LDLRAD4: variants seen among roughly 807,000 people sequenced by gnomAD.
LDLRAD4 encodes the protein low-density lipoprotein receptor class A domain-containing protein 4.
In LDLRAD4, 5 loss-of-function variants were observed where a neutral mutation model predicts 17.0. The observed-to-expected ratio is 0.29, with a 90% CI of 0.15 to 0.62. LDLRAD4 has a LOEUF of 0.62. Ranked by LOEUF, LDLRAD4 falls within the 20% of genes least tolerant of loss-of-function variation. The pLI is 0.84. For missense variants in LDLRAD4, 340 were observed against 424.7 expected (o/e 0.80, Z 1.75); for synonymous variants, 168 against 171.8 (o/e 0.98, Z 0.17).
chr18:13,526,826 A>G (rs1427460625), intron 3 of LDLRAD4: 2 of 152,340 alleles, frequency 1.3e-5, no homozygotes, highest in African/African-American at 4.8e-5. Context: ...CACGGTGTGA[A>G]CTAAGGCTTC....
chr18:13,564,001 G>A (rs2148245577), intron 3 of LDLRAD4, among the ~76,000 whole-genome samples: 1 of 152,236 alleles, frequency 6.6e-6, no homozygotes, highest in East Asian at 1.9e-4. Flanking sequence ...AACCTCCTGA[G>A]CTCAAGTGGT....
intron 1 of LDLRAD4, among the ~76,000 whole-genome samples, chr18:13,278,838 G>T (rs1300006835): frequency 1.3e-5 from 2 of 152,098 alleles, no homozygotes; most frequent in Non-Finnish European, 2.9e-5. Context: ...TCAGGAGCTC[G>T]ATAAAACTTT....
chr18:13,294,770 T>C (rs1283632852), intron 1 of LDLRAD4, among the ~76,000 whole-genome samples: 1 of 151,854 alleles, frequency 6.6e-6, no homozygotes, highest in African/African-American at 2.4e-5. Flanking sequence ...ACACTTGATA[T>C]TAGGACAGCC....
At position 13,524,719 on chromosome 18, in the gene LDLRAD4, G is replaced by T. The variant is rs185645618; in HGVS notation, c.181+86335G>T. On this transcript the variant is annotated intron_variant, in intron 3 of 5. Coordinates refer to ENST00000359446, the Ensembl canonical transcript of LDLRAD4. ...CCGAGACAACCAGATCATATGGAAT[G>T]AACTGTGCGTATTTCAGCTCCCTGC... Among the ~76,000 whole-genome samples, 6 of 152,322 alleles carry T rather than the reference G, an allele frequency of 3.9e-5. No individual in the cohort carries two copies. In the East Asian group the frequency reaches 9.6e-4, roughly 24 times the overall value.
chr18:13,349,387 C>A (rs1430093111), intron 1 of LDLRAD4, among the ~76,000 whole-genome samples: 2 of 152,094 alleles, frequency 1.3e-5, no homozygotes, highest in Non-Finnish European at 2.9e-5. Flanking sequence ...TCTTTTAAGT[C>A]CTTTAGAAGA....
chr18:13,287,084 C>A (rs1197903427), intron 1 of LDLRAD4, among the ~76,000 whole-genome samples: 2 of 152,166 alleles, frequency 1.3e-5, no homozygotes, highest in Admixed American at 1.3e-4. Context: ...GGCTAGAAAG[C>A]AGTCAGGCTG....
At chr18:13,445,419 A>C (rs886569860) in intron 3 of LDLRAD4, among the ~76,000 whole-genome samples, 9 of 151,856 alleles carry the variant, frequency 5.9e-5, no homozygotes, top group African/African-American at 1.9e-4. Flanking sequence ...GTGTGCATGC[A>C]TGCGTGGGTG....
At chr18:13,520,790 C>G (rs1461043870) in intron 3 of LDLRAD4, 1 of 152,138 alleles carries the variant, frequency 6.6e-6, no homozygotes, top group African/African-American at 2.4e-5. Context: ...GAGTTAGGGG[C>G]TGCAGTGAGC....
intron 1 of LDLRAD4, among the ~76,000 whole-genome samples, chr18:13,271,958 C>A (rs2146132035): frequency 6.9e-6 from 1 of 145,130 alleles, no homozygotes; most frequent in Admixed American, 7.2e-5. Context: ...TGCAGTGGCA[C>A]AATCTCGGCT....
chr18:13,386,945 T>TGG lies in LDLRAD4; in HGVS notation c.-382-396_-382-395insGG, dbSNP rs2085880890. Among the ~76,000 whole-genome samples the TGG allele has an allele frequency of 3.5e-5, 4 of 114,264 alleles. No individual in the cohort carries two copies. In the East Asian group the frequency reaches 8.5e-4, roughly 24 times the overall value. The allele number at this position is 114,264 out of a possible 152,430, so 75.0% of individuals were successfully genotyped here. On this transcript the variant is annotated intron_variant, in intron 1 of 5. Transcript: ENST00000359446. ...ATAGATAGATAGATAGATAGATAGA[T>TGG]AGATGGATGGATGGATAGATAAGAT...
chr18:13,268,359 T>C (rs918254870), intron 1 of LDLRAD4, among the ~76,000 whole-genome samples: 5 of 152,214 alleles, frequency 3.3e-5, no homozygotes, highest in African/African-American at 1.2e-4. Context: ...TCTGAAAATA[T>C]GGGGCTTCTT....
chr18:13,226,541 G>A (rs1179918041), intron 1 of LDLRAD4, among the ~76,000 whole-genome samples: 3 of 151,868 alleles, frequency 2.0e-5, no homozygotes, highest in Admixed American at 6.6e-5. Context: ...GGCACATGAC[G>A]TTTAAATTTT....
At chr18:13,534,365 G>A (rs2094171881) in intron 3 of LDLRAD4, among the ~76,000 whole-genome samples, 1 of 152,172 alleles carries the variant, frequency 6.6e-6, no homozygotes, top group African/African-American at 2.4e-5. Context: ...AATGGGACCT[G>A]TTGTTAAATC....
At chr18:13,235,274 T>G (rs931027113) in intron 1 of LDLRAD4, 1 of 152,082 alleles carries the variant, frequency 6.6e-6, no homozygotes, top group African/African-American at 2.4e-5. Context: ...AATCATCAGA[T>G]TATTAAAGTT....
At chr18:13,252,886 C>T (rs768680173) in intron 1 of LDLRAD4, among the ~76,000 whole-genome samples, 5 of 152,204 alleles carry the variant, frequency 3.3e-5, no homozygotes, top group African/African-American at 1.2e-4. Context: ...CTTGTAGTCT[C>T]GTTAGGCTTT....
At chr18:13,453,240 G>A (rs2091943313) in intron 3 of LDLRAD4, among the ~76,000 whole-genome samples, 2 of 152,174 alleles carry the variant, frequency 1.3e-5, no homozygotes, top group African/African-American at 4.8e-5. Flanking sequence ...TCGCGTTTTG[G>A]AAATGAGGAG....
chr18:13,464,033 C>T (rs1206764633), intron 3 of LDLRAD4, among the ~76,000 whole-genome samples: 2 of 152,164 alleles, frequency 1.3e-5, no homozygotes, highest in African/African-American at 2.4e-5. Flanking sequence ...GCCCCATTTC[C>T]CTACCTAATG....
intron 3 of LDLRAD4, among the ~76,000 whole-genome samples, chr18:13,574,321 A>G (rs866027071): frequency 4.6e-5 from 7 of 151,868 alleles, no homozygotes; most frequent in Non-Finnish European, 8.8e-5. Flanking sequence ...CCATGGCAGC[A>G]CTCTTCCCAT....
chr18:13,603,113 C>T (rs181279057), intron 3 of LDLRAD4, among the ~76,000 whole-genome samples: 3 of 152,252 alleles, frequency 2.0e-5, no homozygotes, highest in East Asian at 3.9e-4. Context: ...GCAGAAACTT[C>T]GTCTTTTTAG....
Sources: allele counts gnomAD v4.1 joint callset (sites outside exome capture counted in the v4.1 genomes callset), GRCh38; gene constraint gnomAD v4.1.1; transcripts MANE v1.5; gene names NCBI Gene and HGNC (gene_info 2026-07-23, HGNC 2026-07-21).